Variants in ANK2 observed in about 807,000 individuals in gnomAD.
The protein encoded by ANK2 is ankyrin-2.
In ANK2, 83 loss-of-function variants were observed where a neutral mutation model predicts 360.5. The observed-to-expected ratio is 0.23, with a 90% confidence interval of 0.19 to 0.28. The LOEUF is 0.28. Ranked by LOEUF, ANK2 falls within the 10% of genes least tolerant of loss-of-function variation. The pLI is 1.00. For synonymous variants in ANK2, 1,740 were observed against 1,759.5 expected (o/e 0.99, Z 0.28); for missense variants, 4,201 against 4,795.7 (o/e 0.88, Z 3.66).
chr4:112,863,586 G>A (rs540214421), intron 1 of ANK2, among the ~76,000 whole-genome samples: 20 of 143,468 alleles, frequency 1.4e-4, no homozygotes, highest in South Asian at 9.0e-4. Flanking sequence ...GCAGTGGCGC[G>A]ATCTCGGCTC....
chr4:113,204,819 C>G (rs921903945), intron 4 of ANK2, among the ~76,000 whole-genome samples: 2 of 152,150 alleles, frequency 1.3e-5, no homozygotes, highest in African/African-American at 4.8e-5. Context: ...AAGAGCCTTC[C>G]GCAAAGCTAG....
chr4:112,884,247 C>A (rs1423411075), intron 1 of ANK2, among the ~76,000 whole-genome samples: 2 of 151,938 alleles, frequency 1.3e-5, no homozygotes, highest in Non-Finnish European at 2.9e-5. Flanking sequence ...TACTTTTTGG[C>A]CTGTGGGTAA....
chr4:112,741,858 G>T, the ANK2 span, among the ~76,000 whole-genome samples: 1 of 152,018 alleles, frequency 6.6e-6, no homozygotes, highest in Admixed American at 6.6e-5. Context: ...CAATAAAATT[G>T]GCATTGGGTT....
chr4:113,338,881 C>T (rs890339068), intron 31 of ANK2, among the ~76,000 whole-genome samples: 11 of 151,988 alleles, frequency 7.2e-5, no homozygotes, highest in Admixed American at 5.2e-4. Context: ...CTGTTCAGCT[C>T]CTTAGGTGGT....
chr4:112,801,444 T>A, the ANK2 span, among the ~76,000 whole-genome samples: 19 of 152,326 alleles, frequency 1.2e-4, no homozygotes, highest in Non-Finnish European at 2.6e-4. Flanking sequence ...AAAGGTGAAC[T>A]GATCCTGTGG....
At chr4:113,013,769 A>G (rs2055598767) in intron 2 of ANK2, among the ~76,000 whole-genome samples, 1 of 152,216 alleles carries the variant, frequency 6.6e-6, no homozygotes, top group Non-Finnish European at 1.5e-5. Flanking sequence ...CACTCAAAAC[A>G]TTGAAATGGT....
At chr4:113,030,353 G>A (rs756714900) in intron 2 of ANK2, among the ~76,000 whole-genome samples, 6 of 152,090 alleles carry the variant, frequency 3.9e-5, no homozygotes, top group Non-Finnish European at 5.9e-5. Flanking sequence ...AAGAACCTAC[G>A]TAATTTTCCG....
chr4:113,294,910 C>G (rs2070218053), intron 22 of ANK2, among the ~76,000 whole-genome samples: 2 of 152,140 alleles, frequency 1.3e-5, no homozygotes, highest in South Asian at 4.1e-4. Flanking sequence ...TAAGGGCCTA[C>G]ACATATATGC....
intron 1 of ANK2, among the ~76,000 whole-genome samples, chr4:113,109,421 C>A (rs190273382): frequency 6.6e-6 from 1 of 152,182 alleles, no homozygotes; most frequent in East Asian, 1.9e-4. Context: ...TGTTGTAAGT[C>A]TCGGCAATAA....
At chr4:112,881,384 T>C (rs1246289512) in intron 1 of ANK2, among the ~76,000 whole-genome samples, 1 of 152,190 alleles carries the variant, frequency 6.6e-6, no homozygotes, top group Admixed American at 6.5e-5. Context: ...TGCAGTGAGC[T>C]GAGATTGTGC....
At chr4:112,901,937 G>A (rs773371338) in intron 1 of ANK2, among the ~76,000 whole-genome samples, 9 of 152,002 alleles carry the variant, frequency 5.9e-5, no homozygotes, top group Non-Finnish European at 1.3e-4. Context: ...TCAACAGCCA[G>A]GGGCCAGGAG....
chr4:112,841,063 C>A (rs886757761), intron 1 of ANK2, among the ~76,000 whole-genome samples: 1 of 152,192 alleles, frequency 6.6e-6, no homozygotes, highest in African/African-American at 2.4e-5. Context: ...GCCTTCAGGG[C>A]TGGTTTCTTC....
chr4:112,894,848 A>G (rs1189092541), intron 1 of ANK2, among the ~76,000 whole-genome samples: 2 of 152,234 alleles, frequency 1.3e-5, no homozygotes, highest in African/African-American at 2.4e-5. Flanking sequence ...AGAACAGCAG[A>G]GCTCATAGAT....
At chr4:113,198,439 G>A (rs17445130) in intron 3 of ANK2, among the ~76,000 whole-genome samples, 51,217 of 151,822 alleles carry the variant, frequency 0.34, 9,336 homozygotes, top group South Asian at 0.42. Flanking sequence ...TTTCATTGGT[G>A]TTAGTGTTGT....
intron 33 of ANK2, 105 bp from the exon 34 acceptor site, chr4:113,342,912 T>C: frequency 1.4e-6 from 2 of 1,391,020 alleles, no homozygotes; most frequent in South Asian, 1.2e-5. Flanking sequence ...TGGTTGTATG[T>C]GTATTATAAG....
chr4:113,340,316 A>G (rs1381284669), intron 32 of ANK2, among the ~76,000 whole-genome samples: 2 of 152,232 alleles, frequency 1.3e-5, no homozygotes, highest in African/African-American at 4.8e-5. Context: ...GAAAAAGAGA[A>G]TAACATGAGC....
chr4:112,705,850 T>A, the ANK2 span, among the ~76,000 whole-genome samples: 2 of 151,880 alleles, frequency 1.3e-5, no homozygotes, highest in Non-Finnish European at 2.9e-5. Context: ...GGCGCGGCGC[T>A]GGGAAGGGGC....
chr4:113,258,203 C>T (rs2153634562), intron 12 of ANK2, 55 bp downstream of exon 12: 1 of 1,578,510 alleles, frequency 6.3e-7, no homozygotes, highest in Non-Finnish European at 8.7e-7. Context: ...TCCTTCCTCC[C>T]TTTCCTTTTT....
chr4:112,874,642 CAAAAAAAAAAAA>C (rs1160396405), intron 1 of ANK2, among the ~76,000 whole-genome samples: 1 of 79,606 alleles, frequency 1.3e-5, no homozygotes, highest in African/African-American at 4.9e-5. Flanking sequence ...GACGCCATCT[CAAAAAAAAAAAA>C]AAAAAAAAAA....
Sources: allele counts gnomAD v4.1 joint callset (sites outside exome capture counted in the v4.1 genomes callset), GRCh38; gene constraint gnomAD v4.1.1; transcripts MANE v1.5; gene names NCBI Gene and HGNC (gene_info 2026-07-23, HGNC 2026-07-21).